The following RBM33 variants were observed in gnomAD, a reference collection of about 807,000 sequenced individuals.
RBM33 encodes the protein RNA binding motif protein 33.
A neutral mutation model predicts 132.6 loss-of-function variants in RBM33; 28 were observed. The observed-to-expected ratio is 0.21, with a 90% confidence interval of 0.16 to 0.29. RBM33 has a LOEUF of 0.29. Among genes scored for constraint, RBM33 ranks in the 10% least tolerant of loss-of-function variants. The pLI is 1.00. For synonymous variants in RBM33, 634 were observed against 593.0 expected, an observed-to-expected ratio of 1.07 and a Z score of -1.01; for missense variants, 1,291 against 1,518.5, an observed-to-expected ratio of 0.85 and a Z score of 2.49.
At chr7:155,710,334 G>A (rs1800245673) in intron 7 of RBM33, among the ~76,000 whole-genome samples, 1 of 152,148 alleles carries the variant, frequency 6.6e-6, no homozygotes, top group African/African-American at 2.4e-5. Context: ...GTAAAAGGAG[G>A]TCAGTAAATA....
chr7:155,687,689 A>G (rs1324988891), intron 5 of RBM33, among the ~76,000 whole-genome samples: 3 of 152,176 alleles, frequency 2.0e-5, no homozygotes, highest in African/African-American at 2.4e-5. Flanking sequence ...TCAGCTTTCT[A>G]CATATGGCTA....
intron 16 of RBM33, among the ~76,000 whole-genome samples, chr7:155,773,116 GTAGT>G (rs999643185): frequency 2.6e-5 from 4 of 152,154 alleles, no homozygotes; most frequent in Non-Finnish European, 4.4e-5. Flanking sequence ...TCATGTGCTG[GTAGT>G]TAGTTATTTT....
chr7:155,684,847 G>A (rs1171947306), intron 5 of RBM33: 3 of 1,404,356 alleles, frequency 2.1e-6, no homozygotes, highest in Non-Finnish European at 2.9e-6. Context: ...CAATTATTAA[G>A]CATGAATCAT....
At chr7:155,687,745 A>G (rs1475621527) in intron 5 of RBM33, among the ~76,000 whole-genome samples, 3 of 152,190 alleles carry the variant, frequency 2.0e-5, no homozygotes, top group Non-Finnish European at 4.4e-5. Context: ...TCCTTTCCCC[A>G]TTTCTTGTTT....
Position 155,706,037 on chromosome 7 carries a change from T to G in RBM33, c.740-823T>G, listed in dbSNP as rs3801907. ...AAATCACCTTGACTTCGGAATGAGT[T>G]CATTAATAGTTTTGTTTTTAAGTGA... On this transcript the variant is annotated intron_variant, in intron 6 of 17. Transcript: ENST00000401878. 5.9e-5 allele frequency among the ~76,000 whole-genome samples: 9 copies of G among 152,368 alleles called. No homozygotes were observed. In the East Asian group the frequency reaches 1.7e-3, roughly 29 times the overall value.
chr7:155,699,496 G>A (rs1477063787), intron 5 of RBM33, among the ~76,000 whole-genome samples: 1 of 152,164 alleles, frequency 6.6e-6, no homozygotes, highest in African/African-American at 2.4e-5. Context: ...CATCCATTCT[G>A]ATTTCAAACA....
At chr7:155,672,633 T>A (rs1363425766) in intron 2 of RBM33, among the ~76,000 whole-genome samples, 1 of 151,348 alleles carries the variant, frequency 6.6e-6, no homozygotes, top group Non-Finnish European at 1.5e-5. Context: ...TAATCCCAGC[T>A]ACTTGGGAGG....
chr7:155,725,203 G>GTTTTTTTTTTTTTTTTTTTTTTTTTTTT (rs59050644), intron 9 of RBM33, among the ~76,000 whole-genome samples: 1 of 105,178 alleles, frequency 9.5e-6, no homozygotes, highest in Non-Finnish European at 2.0e-5. Context: ...TTTTTTAGTT[G>GTTTTTTTTTTTTTTTTTTTTTTTTTTTT]TTTTTTTTTT....
chr7:155,764,621 G>GT (rs1802152552), intron 15 of RBM33, among the ~76,000 whole-genome samples: 1 of 152,250 alleles, frequency 6.6e-6, no homozygotes, highest in Non-Finnish European at 1.5e-5. Context: ...ACGTACGCAA[G>GT]TGACAGAGCG....
chr7:155,771,743 T>C (rs1022789323), intron 16 of RBM33, among the ~76,000 whole-genome samples: 2 of 152,202 alleles, frequency 1.3e-5, no homozygotes, highest in African/African-American at 4.8e-5. Context: ...TTATTTTTTA[T>C]TTTTGGGAGA....
chr7:155,648,848 A>G (rs901258226), intron 1 of RBM33, among the ~76,000 whole-genome samples: 1 of 152,186 alleles, frequency 6.6e-6, no homozygotes, highest in African/African-American at 2.4e-5. Flanking sequence ...TCTGGCTTCC[A>G]TCGTTTCTGA....
At position 155,763,864 on chromosome 7, in the gene RBM33, C is replaced by T; in HGVS notation, c.3032C>T (p.Pro1011Leu). The change falls in exon 15 of 18, where the codon CCC (proline) becomes CTC (leucine). Residue 1011 changes from proline (P) to leucine (L), a missense_variant. Around this residue, in one of 7 missense-constraint regions of RBM33, gnomAD observed 841 missense variants for 912.0 expected, o/e 0.92. Transcript: ENST00000401878. Reference protein sequence around the residue: ...FHPEGQPQRLPQPPEVGPQPA... With the variant: ...FHPEGQPQRLLQPPEVGPQPA... ...CCAGAAGGCCAGCCCCAGCGGCTTC[C>T]CCAGCCTCCGGAAGTGGGACCACAG... 6.2e-7 allele frequency: 1 copy of T among 1,612,106 alleles called. No individual in the cohort carries two copies. Among genetic ancestry groups the T allele is most frequent in the Non-Finnish European group, 8.5e-7 (1 of 1,179,176 alleles).
At chr7:155,727,610 T>C (rs753188261) in intron 9 of RBM33, among the ~76,000 whole-genome samples, 4 of 152,230 alleles carry the variant, frequency 2.6e-5, no homozygotes, top group Admixed American at 6.5e-5. Context: ...TAACAGTCAG[T>C]GAGCAGCTTT....
intron 8 of RBM33, among the ~76,000 whole-genome samples, chr7:155,714,858 G>GTATTA (rs1407648621): frequency 6.6e-6 from 1 of 152,144 alleles, no homozygotes; most frequent in Non-Finnish European, 1.5e-5. Flanking sequence ...TGGGTGAGAA[G>GTATTA]TATTATGAAG....
At chr7:155,695,965 GT>G (rs1351160715) in intron 5 of RBM33, among the ~76,000 whole-genome samples, 1 of 152,042 alleles carries the variant, frequency 6.6e-6, no homozygotes, top group Admixed American at 6.6e-5. Context: ...ATGAGATTCC[GT>G]TTTTTCCATA....
intron 9 of RBM33, among the ~76,000 whole-genome samples, chr7:155,719,417 CAT>C (rs893180254): frequency 2.6e-5 from 4 of 152,020 alleles, no homozygotes; most frequent in African/African-American, 4.8e-5. Context: ...TCAAAAATAA[CAT>C]TATTGGATTT....
At chr7:155,748,900 G>C (rs1478647006) in intron 14 of RBM33, among the ~76,000 whole-genome samples, 1 of 152,164 alleles carries the variant, frequency 6.6e-6, no homozygotes, top group African/African-American at 2.4e-5. Context: ...TTTAAAGCTT[G>C]AAAAGTGACT....
chr7:155,728,403 C>T (rs559377500), intron 9 of RBM33, among the ~76,000 whole-genome samples: 1 of 152,284 alleles, frequency 6.6e-6, no homozygotes, highest in East Asian at 1.9e-4. Flanking sequence ...AGCACCTTGC[C>T]TGTAGCGTGT....
Position 155,770,516 on chromosome 7 carries a change from C to G in RBM33, c.3375+3861C>G, listed in dbSNP as rs551653341. On this transcript the variant is annotated intron_variant, in intron 16 of 17. Transcript: ENST00000401878. ...TCAGACTCTGCTCTAGGGTGGGGCT[C>G]AAGAATTTACATCTCTCATGATTTA... is the stretch of plus-strand genomic sequence containing the variant. Among the ~76,000 whole-genome samples the G allele has an allele frequency of 5.3e-5, 8 of 151,054 alleles. No individual in the cohort carries two copies. The South Asian group carries it at 1.5e-3, about 28-fold the overall frequency.
Sources: allele counts gnomAD v4.1 joint callset (sites outside exome capture counted in the v4.1 genomes callset), GRCh38; gene constraint gnomAD v4.1.1; regional missense constraint gnomAD v4.1.1; transcripts MANE v1.5; gene names NCBI Gene and HGNC (gene_info 2026-07-23, HGNC 2026-07-21).